UBE2D2: variants seen among roughly 807,000 people sequenced by gnomAD.
The protein encoded by UBE2D2 is ubiquitin conjugating enzyme E2 D2, also known as ubiquitin-conjugating enzyme E2 D2.
UBE2D2 carries 2 observed loss-of-function variants against 24.2 expected under a neutral mutation model. The ratio of observed to expected loss-of-function variants is 0.08; its 90% CI spans 0.03 to 0.26. The LOEUF (loss-of-function observed/expected upper bound fraction) is 0.26. Among genes scored for constraint, UBE2D2 ranks in the 10% least tolerant of loss-of-function variants. The pLI is 1.00. For synonymous variants in UBE2D2, 58 were observed against 56.5 expected (o/e 1.03, Z -0.12); for missense variants, 44 against 177.6 (o/e 0.25, Z 4.28).
rs575818496 is a variant in UBE2D2, at chr5:139,601,049, C to T, written c.88+614C>T. On this transcript the variant is annotated intron_variant, in intron 2 of 6. Transcript: ENST00000398733. ...AACTCCTGGCCTCAGGTGATCCGCCCGCTTTGGCCTCCCAAAGTGCTGGGA... is the reference window on the plus strand; with the variant it reads ...AACTCCTGGCCTCAGGTGATCCGCCTGCTTTGGCCTCCCAAAGTGCTGGGA... Among the ~76,000 whole-genome samples the T allele has an allele frequency of 2.0e-4, 31 of 152,278 alleles. No homozygotes were observed. In the East Asian group the frequency reaches 5.2e-3, roughly 26 times the overall value.
chr5:139,536,302 T>C (rs1318476952), intron 1 of UBE2D2, among the ~76,000 whole-genome samples: 1 of 151,634 alleles, frequency 6.6e-6, no homozygotes, highest in East Asian at 1.9e-4. Context: ...TTTCTCCACA[T>C]TGGTCAGGCT....
chr5:139,535,290 C>CA (rs527336000), intron 1 of UBE2D2, among the ~76,000 whole-genome samples: 2,641 of 76,478 alleles, frequency 0.035, 68 homozygotes, highest in African/African-American at 0.1. Context: ...ACTAAAAATA[C>CA]AAAAAAAAAA....
rs779528886 is a variant in UBE2D2, at chr5:139,600,353, TTC to T, written c.25-17_25-16del. 3 of 1,612,866 alleles carry T rather than the reference TTC, an allele frequency of 1.9e-6. No individual in the cohort carries two copies. Among genetic ancestry groups the T allele is most frequent in the Non-Finnish European group, 2.5e-6 (3 of 1,179,420 alleles). On this transcript the variant is annotated splice_polypyrimidine_tract_variant and intron_variant, in intron 1 of 6. Coordinates refer to ENST00000398733, the MANE Select transcript of UBE2D2 (RefSeq NM_003339.3). Reference sequence around the variant, plus strand: ...TACATTTATGTTGAATATATTTCTTTTCTTTCTTTTTTCTGTAGGAATTGAAT... The same window carrying T: ...TACATTTATGTTGAATATATTTCTTTTTTCTTTTTTCTGTAGGAATTGAAT...
intron 1 of UBE2D2, among the ~76,000 whole-genome samples, chr5:139,563,635 TAAAG>T (rs1648608087): frequency 6.6e-6 from 1 of 152,110 alleles, no homozygotes; most frequent in South Asian, 2.1e-4. Context: ...AATTTACAGA[TAAAG>T]AAATGTAGAC....
chr5:139,555,618 A>T (rs1279002003), intron 1 of UBE2D2, among the ~76,000 whole-genome samples: 3 of 151,772 alleles, frequency 2.0e-5, no homozygotes, highest in African/African-American at 7.3e-5. Flanking sequence ...GGTCATCTAA[A>T]CTCCTACTTT....
chr5:139,595,746 T>A (rs188279591), intron 1 of UBE2D2, among the ~76,000 whole-genome samples: 2 of 152,266 alleles, frequency 1.3e-5, no homozygotes, highest in Admixed American at 1.3e-4. Context: ...TAATTTATTT[T>A]TCAAATGGGC....
chr5:139,607,286 A>AAGATTTAAATGGTAGGTC (rs1754219543), intron 2 of UBE2D2, among the ~76,000 whole-genome samples: 1 of 152,228 alleles, frequency 6.6e-6, no homozygotes, highest in African/African-American at 2.4e-5. Context: ...ATTCTCAATT[A>AAGATTTAAATGGTAGGTC]AGATTTAAAT....
At chr5:139,537,959 G>A (rs746852161) in intron 1 of UBE2D2, among the ~76,000 whole-genome samples, 6 of 118,510 alleles carry the variant, frequency 5.1e-5, no homozygotes, top group South Asian at 2.7e-4. Context: ...GCGAGACTCC[G>A]TCTCAAAAAA....
chr5:139,564,999 T>G (rs562629616), intron 1 of UBE2D2, among the ~76,000 whole-genome samples: 1 of 152,324 alleles, frequency 6.6e-6, no homozygotes. Context: ...CAGTTCTATC[T>G]TATCTTCTGT....
chr5:139,593,798 T>C (rs1383671449), intron 1 of UBE2D2, among the ~76,000 whole-genome samples: 1 of 152,064 alleles, frequency 6.6e-6, no homozygotes, highest in Non-Finnish European at 1.5e-5. Context: ...ATTTTTTTTG[T>C]GGAGATAGAG....
intron 1 of UBE2D2, among the ~76,000 whole-genome samples, chr5:139,566,919 TA>T (rs752090527): frequency 3.5e-4 from 51 of 144,202 alleles, no homozygotes; most frequent in African/African-American, 5.3e-4. Context: ...CGATTCAACT[TA>T]AAAAAAAAAA....
intron 1 of UBE2D2, among the ~76,000 whole-genome samples, chr5:139,583,418 A>G (rs1753649522): frequency 6.6e-6 from 1 of 152,192 alleles, no homozygotes; most frequent in African/African-American, 2.4e-5. Context: ...CAATGTATTC[A>G]TATTTCCGAA....
chr5:139,576,830 C>G (rs926566756), intron 1 of UBE2D2, among the ~76,000 whole-genome samples: 2 of 151,866 alleles, frequency 1.3e-5, no homozygotes, highest in Admixed American at 1.3e-4. Context: ...AATAGTCTCT[C>G]ATGTCTAGTT....
chr5:139,608,352 G>C (rs1406907955), intron 2 of UBE2D2, among the ~76,000 whole-genome samples: 1 of 152,156 alleles, frequency 6.6e-6, no homozygotes, highest in Non-Finnish European at 1.5e-5. Flanking sequence ...AGAATTGCTT[G>C]AACCTGGGAG....
rs1342570965 is a variant in UBE2D2, at chr5:139,548,175, AAAAAAAAAT to A, written c.-64+21572_-64+21580del. ...CGAGACTCCGTCTCAAAAAAAAAAAAAAAAAAAATAAAAAAAAAAAATAAATAAATAAAT... is the reference window on the plus strand; with the variant it reads ...CGAGACTCCGTCTCAAAAAAAAAAAAAAAAAAAAAAAATAAATAAATAAAT... On this transcript the variant is annotated intron_variant, in intron 1 of 6. Transcript: ENST00000511725. Among the ~76,000 whole-genome samples the A allele has an allele frequency of 4.4e-4, 17 of 38,382 alleles. 1 individual carries two copies. The highest frequency in any genetic ancestry group is 3.3e-3 in the East Asian group (9 of 2,748). 25.2% of individuals were successfully genotyped at this position (38,382 alleles called of 152,430 possible). A position where few individuals can be genotyped will look rare whatever the true frequency, so the allele number is the denominator to read the frequency against.
intron 1 of UBE2D2, among the ~76,000 whole-genome samples, chr5:139,566,760 G>T (rs1395073826): frequency 6.6e-6 from 1 of 152,074 alleles, no homozygotes; most frequent in African/African-American, 2.4e-5. Flanking sequence ...GAACTTGAGG[G>T]AGCTAGAAAA....
chr5:139,531,613 T>G (rs1581477261), intron 1 of UBE2D2, among the ~76,000 whole-genome samples: 2 of 130,694 alleles, frequency 1.5e-5, no homozygotes, highest in African/African-American at 3.0e-5. Context: ...GGTGACAGAG[T>G]GAGACCCTAT....
chr5:139,555,190 C>A (rs756178619), intron 1 of UBE2D2, among the ~76,000 whole-genome samples: 1 of 152,002 alleles, frequency 6.6e-6, no homozygotes, highest in Non-Finnish European at 1.5e-5. Context: ...GGACTACAGG[C>A]ATGTGCCACC....
intron 1 of UBE2D2, among the ~76,000 whole-genome samples, chr5:139,549,585 C>T (rs1752879493): frequency 6.6e-6 from 1 of 152,228 alleles, no homozygotes; most frequent in Non-Finnish European, 1.5e-5. Flanking sequence ...GCCCGCAGGG[C>T]AGGGCTAGGG....
Sources: allele counts gnomAD v4.1 joint callset (sites outside exome capture counted in the v4.1 genomes callset), GRCh38; gene constraint gnomAD v4.1.1; transcripts MANE v1.5; gene names NCBI Gene and HGNC (gene_info 2026-07-23, HGNC 2026-07-21).